The following FOXO1 variants were observed in gnomAD, a reference collection of about 807,000 sequenced individuals.
FOXO1 encodes forkhead box protein O1.
A neutral mutation model predicts 44.1 loss-of-function variants in FOXO1; 6 were observed. That is an observed-to-expected ratio of 0.14 (90% CI 0.07 to 0.27). The LOEUF is 0.27. FOXO1 is among the 10% of genes least tolerant of loss of function. FOXO1 has a pLI of 1.00. For synonymous variants in FOXO1, 380 were observed against 362.7 expected (o/e 1.05, Z -0.54); for missense variants, 737 against 888.8 (o/e 0.83, Z 2.17).
intron 1 of FOXO1, among the ~76,000 whole-genome samples, chr13:40,566,119 G>A (rs1360363719): frequency 2.6e-5 from 4 of 152,160 alleles, no homozygotes; most frequent in Non-Finnish European, 2.9e-5. Context: ...AGGGGCCTCC[G>A]AGCTCTGGAC....
rs143025844 is a variant in FOXO1, at chr13:40,577,436, ACT to A, written c.631-16578_631-16577del. Among the ~76,000 whole-genome samples the A allele has an allele frequency of 8.9e-3, 1,359 of 152,190 alleles. 20 individuals are homozygous for A. Among genetic ancestry groups the A allele is most frequent in the African/African-American group, 0.031 (1,302 of 41,518 alleles). On this transcript the variant is annotated intron_variant, in intron 1 of 2. Coordinates refer to ENST00000379561, the MANE Select transcript of FOXO1 (RefSeq NM_002015.4). ...CATGCAACTTAAGACAGGGTCTAAA[ACT>A]CACAGTTACTAGCAAACAAAGAAAC...
chr13:40,661,508 G>A (rs1319408546), intron 1 of FOXO1, among the ~76,000 whole-genome samples: 1 of 152,050 alleles, frequency 6.6e-6, no homozygotes. Context: ...TGTTGCCCAG[G>A]GTGGTCTTGA....
chr13:40,565,108 T>C (rs1172832856), intron 1 of FOXO1, among the ~76,000 whole-genome samples: 1 of 152,192 alleles, frequency 6.6e-6, no homozygotes, highest in Non-Finnish European at 1.5e-5. Flanking sequence ...TCAATAACTG[T>C]TTGTTGCTTG....
rs3751435 is a variant in FOXO1 at position 40,587,351 on chromosome 13, T to C, written c.631-26491A>G. Among the ~76,000 whole-genome samples the C allele has an allele frequency of 2.4e-3, 358 of 150,636 alleles. 2 individuals are homozygous for C. In the East Asian group the frequency reaches 0.029, roughly 12 times the overall value. On this transcript the variant is annotated intron_variant, in intron 1 of 2. Transcript: ENST00000379561. ...GCAAATACGAACAGATAGTGAAAGA[T>C]TGATTATCCGTGAAAGGAAGGAAAA...
rs1878225568 is a variant in FOXO1 at position 40,665,907 on chromosome 13, G to A, written c.306C>T (p.Ala102=). The A allele has an allele frequency of 8.5e-7, 1 of 1,180,984 alleles. No individual in the cohort carries two copies. 73.2% of individuals were successfully genotyped at this position (1,180,984 alleles called of 1,614,324 possible). ...GGAAGTCCCCGCACAGCCCCCCGGTGGCGGCCGCGGCGGCCGCCGCCGCCA... is the reference window on the plus strand; with the variant it reads ...GGAAGTCCCCGCACAGCCCCCCGGTAGCGGCCGCGGCGGCCGCCGCCGCCA... The part of the protein sequence containing the change: ...AAVAAAAAAA[A]TGGLCGDFQG... The change falls in exon 1 of 3, where the codon GCC becomes GCT. Residue 102 remains alanine (A), a synonymous_variant. Coordinates refer to ENST00000379561, the MANE Select transcript of FOXO1 (RefSeq NM_002015.4).
At chr13:40,646,240 G>C (rs1471253469) in intron 1 of FOXO1, among the ~76,000 whole-genome samples, 1 of 151,790 alleles carries the variant, frequency 6.6e-6, no homozygotes, top group African/African-American at 2.4e-5. Context: ...TATTTGAGGG[G>C]TGTGAAGGAA....
Position 40,558,606 on chromosome 13 carries a change from C to T in FOXO1, c.*443G>A, listed in dbSNP as rs1873849980. 2.7e-6 allele frequency: 1 copy of T among 367,256 alleles called. No individual in the cohort carries two copies. Among genetic ancestry groups the T allele is most frequent in the Non-Finnish European group, 4.8e-6 (1 of 206,766 alleles). The allele number at this position is 367,256 out of a possible 1,614,324, so 22.7% of individuals were successfully genotyped here. ...CAAACAAAAGTTTAACTTATCAAGACATGAGGCCCATCACAGTATTACAAA... is the reference window on the plus strand; with the variant it reads ...CAAACAAAAGTTTAACTTATCAAGATATGAGGCCCATCACAGTATTACAAA... On this transcript the variant is annotated 3_prime_UTR_variant, in exon 3 of 3. Transcript: ENST00000379561.
rs543892684 is a variant in FOXO1 at position 40,558,111 on chromosome 13, A to C, written c.*938T>G. 9.2e-5 allele frequency: 14 copies of C among 152,784 alleles called. No individual in the cohort carries two copies. The South Asian group carries it at 2.9e-3, about 32-fold the overall frequency. The allele number at this position is 152,784 out of a possible 1,614,324, so 9.5% of individuals were successfully genotyped here. A position where few individuals can be genotyped will look rare whatever the true frequency, so the allele number is the denominator to read the frequency against. Reference sequence around the variant, plus strand: ...CATCCCAAAGTGTACAAACCAGTTAAGCATGTATAAAATTAGTACTAATCC... The same window carrying C: ...CATCCCAAAGTGTACAAACCAGTTACGCATGTATAAAATTAGTACTAATCC... On this transcript the variant is annotated 3_prime_UTR_variant, in exon 3 of 3. Transcript: ENST00000379561.
intron 1 of FOXO1, among the ~76,000 whole-genome samples, chr13:40,613,787 C>A (rs1017971355): frequency 1.3e-5 from 2 of 152,196 alleles, no homozygotes; most frequent in African/African-American, 4.8e-5. Flanking sequence ...GCAGCAGTTA[C>A]ACGGTCTCCC....
intron 1 of FOXO1, among the ~76,000 whole-genome samples, chr13:40,592,158 C>T (rs1026866842): frequency 7.9e-5 from 12 of 152,184 alleles, no homozygotes; most frequent in Non-Finnish European, 1.2e-4. Context: ...CTATGCATTA[C>T]TCTTCCAAAC....
intron 1 of FOXO1, chr13:40,619,491 GT>G: frequency 7.6e-7 from 1 of 1,314,180 alleles, no homozygotes; most frequent in Non-Finnish European, 1.1e-6. Flanking sequence ...GAGAGTTTCG[GT>G]TTAGTTTGGA....
intron 1 of FOXO1, among the ~76,000 whole-genome samples, chr13:40,613,484 T>C (rs1009916379): frequency 6.6e-6 from 1 of 152,156 alleles, no homozygotes; most frequent in African/African-American, 2.4e-5. Flanking sequence ...CATCAAAGTC[T>C]GGAACTTCAA....
At position 40,565,207 on chromosome 13, in the gene FOXO1, A is replaced by G. The variant is rs144153507; in HGVS notation, c.631-4347T>C. ...TTTGAGTACCAATTCATGTCAACTA[A>G]CATTTACTGGAAACTATTTTGTGGA... is the stretch of plus-strand genomic sequence containing the variant. On this transcript the variant is annotated intron_variant, in intron 1 of 2. Transcript: ENST00000379561. Among the ~76,000 whole-genome samples, 6 of 152,348 alleles carry G rather than the reference A, an allele frequency of 3.9e-5. No homozygotes were observed. The East Asian group carries it at 1.2e-3, about 29-fold the overall frequency.
chr13:40,636,741 C>T (rs4583096), intron 1 of FOXO1, among the ~76,000 whole-genome samples: 25,651 of 151,886 alleles, frequency 0.17, 2,521 homozygotes, highest in South Asian at 0.29. Context: ...GTGATTCACC[C>T]GCCTTGGACT....
chr13:40,582,650 C>G (rs956269827), intron 1 of FOXO1, among the ~76,000 whole-genome samples: 7 of 152,202 alleles, frequency 4.6e-5, no homozygotes, highest in African/African-American at 1.7e-4. Flanking sequence ...CTTTGCTCAT[C>G]CGTAAGAAGC....
At chr13:40,664,931 T>C (rs944736675) in intron 1 of FOXO1, among the ~76,000 whole-genome samples, 1 of 151,470 alleles carries the variant, frequency 6.6e-6, no homozygotes, top group Admixed American at 6.6e-5. Context: ...CCTTCGCACG[T>C]GTCGGAGGCA....
intron 1 of FOXO1, among the ~76,000 whole-genome samples, chr13:40,577,208 T>G (rs988327228): frequency 2.1e-4 from 21 of 100,012 alleles, no homozygotes; most frequent in Non-Finnish European, 5.7e-5. Context: ...CCCGCCCACA[T>G]GCATACTAGA....
chr13:40,562,599 A>T (rs1874079323), intron 1 of FOXO1: 1 of 152,218 alleles, frequency 6.6e-6, no homozygotes, highest in Non-Finnish European at 1.5e-5. Flanking sequence ...CCCAACTTAG[A>T]ATAGTGGTAT....
chr13:40,579,551 G>T (rs1874883568), intron 1 of FOXO1, among the ~76,000 whole-genome samples: 1 of 152,138 alleles, frequency 6.6e-6, no homozygotes, highest in South Asian at 2.1e-4. Context: ...AAGCAAAGAA[G>T]GGGGAAAGAA....
Sources: gnomAD v4.1 joint callset for allele counts (sites outside exome capture counted in the v4.1 genomes callset) on GRCh38, gnomAD v4.1.1 for gene constraint, MANE v1.5 for transcripts, NCBI Gene and HGNC (gene_info 2026-07-23, HGNC 2026-07-21) for gene names.